CDH12: variants seen among roughly 807,000 people sequenced by gnomAD.
CDH12 encodes the protein cadherin-12.
A neutral mutation model predicts 74.1 loss-of-function variants in CDH12; 41 were observed. The observed-to-expected ratio is 0.55, with a 90% CI of 0.43 to 0.72. The LOEUF (loss-of-function observed/expected upper bound fraction) is 0.72. Ranked by LOEUF, CDH12 falls within the 30% of genes least tolerant of loss-of-function variation. The probability of loss-of-function intolerance (pLI) is 0.00; values close to 1 mark genes in which losing one functional copy is unlikely to be tolerated. For missense variants in CDH12, 945 were observed against 977.2 expected, an observed-to-expected ratio of 0.97 and a Z score of 0.44; for synonymous variants, 399 against 355.0, an observed-to-expected ratio of 1.12 and a Z score of -1.39.
intron 1 of CDH12, among the ~76,000 whole-genome samples, chr5:22,748,480 G>C (rs1269242795): frequency 2.6e-5 from 4 of 152,062 alleles, no homozygotes; most frequent in African/African-American, 9.7e-5. Flanking sequence ...TCAAAACATT[G>C]ACCTGCTCAG....
chr5:22,106,663 G>A (rs1025854730), intron 4 of CDH12, among the ~76,000 whole-genome samples: 1 of 152,154 alleles, frequency 6.6e-6, no homozygotes, highest in Admixed American at 6.5e-5. Flanking sequence ...CTATCCCATG[G>A]CTCCAAGCCT....
intron 6 of CDH12, among the ~76,000 whole-genome samples, chr5:21,871,550 T>C (rs992257113): frequency 2.6e-5 from 4 of 151,942 alleles, no homozygotes; most frequent in Non-Finnish European, 4.4e-5. Context: ...CTGACCAACA[T>C]GGAGAAACCC....
At chr5:22,362,557 T>C (rs1740856802) in intron 3 of CDH12, among the ~76,000 whole-genome samples, 1 of 152,064 alleles carries the variant, frequency 6.6e-6, no homozygotes, top group Admixed American at 6.5e-5. Flanking sequence ...GAAATACCAT[T>C]TGACCCAGCC....
At chr5:22,157,578 A>G (rs1431073779) in intron 4 of CDH12, among the ~76,000 whole-genome samples, 1 of 123,820 alleles carries the variant, frequency 8.1e-6, no homozygotes, top group East Asian at 2.3e-4. Context: ...CTTACCTCTC[A>G]TAAAATCTGA....
intron 6 of CDH12, among the ~76,000 whole-genome samples, chr5:21,969,707 TCTGCTGTTTTACA>T (rs1756746347): frequency 6.6e-6 from 1 of 152,208 alleles, no homozygotes; most frequent in African/African-American, 2.4e-5. Flanking sequence ...AACTTAAGTA[TCTGCTGTTTTACA>T]CTGCTAAGGT....
intron 6 of CDH12, among the ~76,000 whole-genome samples, chr5:21,895,173 G>A (rs1025641379): frequency 1.3e-5 from 2 of 152,138 alleles, no homozygotes; most frequent in African/African-American, 4.8e-5. Flanking sequence ...GGAGAGAAAT[G>A]AGTAAATGTG....
At chr5:22,570,803 T>C (rs58309940) in intron 1 of CDH12, among the ~76,000 whole-genome samples, 22,245 of 152,136 alleles carry the variant, frequency 0.15, 1,630 homozygotes, top group Middle Eastern at 0.2. Context: ...TCTCTAGCTA[T>C]GAAAATCCTA....
intron 1 of CDH12, among the ~76,000 whole-genome samples, chr5:22,716,567 G>C (rs886079465): frequency 6.6e-5 from 10 of 151,084 alleles, no homozygotes; most frequent in African/African-American, 2.4e-4. Flanking sequence ...TTATTTTAGT[G>C]TGTGCTCCTT....
At chr5:22,097,102 T>A (rs1222552114) in intron 4 of CDH12, among the ~76,000 whole-genome samples, 1 of 152,128 alleles carries the variant, frequency 6.6e-6, no homozygotes, top group African/African-American at 2.4e-5. Flanking sequence ...ACCTCCTCCC[T>A]CAGGAGCTTG....
intron 4 of CDH12, among the ~76,000 whole-genome samples, chr5:22,123,933 TA>T (rs1356987352): frequency 2.6e-5 from 4 of 151,758 alleles, no homozygotes; most frequent in Non-Finnish European, 4.4e-5. Flanking sequence ...TTTTAATTTT[TA>T]AAAAAGTTTT....
At chr5:22,690,728 C>T (rs949198900) in intron 1 of CDH12, among the ~76,000 whole-genome samples, 14 of 152,148 alleles carry the variant, frequency 9.2e-5, no homozygotes, top group African/African-American at 2.7e-4. Context: ...TCCCTCTGTG[C>T]TTGTTACTTA....
At chr5:22,092,851 A>G (rs561411351) in intron 4 of CDH12, among the ~76,000 whole-genome samples, 19 of 152,342 alleles carry the variant, frequency 1.2e-4, no homozygotes, top group African/African-American at 3.6e-4. Flanking sequence ...AACAAATTAC[A>G]TAAAAACCAA....
chr5:22,439,824 G>A (rs970958233), intron 2 of CDH12, among the ~76,000 whole-genome samples: 2 of 152,178 alleles, frequency 1.3e-5, no homozygotes, highest in African/African-American at 4.8e-5. Flanking sequence ...GAATTAGGCA[G>A]TATCATCAGA....
intron 4 of CDH12, among the ~76,000 whole-genome samples, chr5:22,160,029 T>A (rs944616443): frequency 6.6e-6 from 1 of 152,106 alleles, no homozygotes; most frequent in Non-Finnish European, 1.5e-5. Context: ...ACCAGGCCAA[T>A]GAAAATTAGA....
chr5:22,374,580 C>A (rs746623963), intron 3 of CDH12, among the ~76,000 whole-genome samples: 21 of 152,010 alleles, frequency 1.4e-4, no homozygotes, highest in Non-Finnish European at 2.4e-4. Context: ...TACCACAAAA[C>A]CCCTAGTTTT....
At chr5:22,108,451 A>C (rs1205037374) in intron 4 of CDH12, among the ~76,000 whole-genome samples, 1 of 152,246 alleles carries the variant, frequency 6.6e-6, no homozygotes, top group Non-Finnish European at 1.5e-5. Context: ...CATAAGGAAA[A>C]GTATGAAGAG....
chr5:22,593,116 C>T (rs185035803), intron 1 of CDH12, among the ~76,000 whole-genome samples: 1 of 151,798 alleles, frequency 6.6e-6, no homozygotes, highest in African/African-American at 2.4e-5. Context: ...TGTACTAACC[C>T]TCATTGGTTT....
intron 1 of CDH12, among the ~76,000 whole-genome samples, chr5:22,690,192 G>A (rs544090598): frequency 6.6e-6 from 1 of 152,184 alleles, no homozygotes; most frequent in Admixed American, 6.5e-5. Context: ...AAACTGTGTT[G>A]TATACCATGA....
At chr5:22,457,423 TCA>T (rs1491089473) in intron 2 of CDH12, among the ~76,000 whole-genome samples, 2,415 of 141,102 alleles carry the variant, frequency 0.017, 56 homozygotes, top group African/African-American at 0.048. Context: ...CTCTTCTTCT[TCA>T]TTTTTTTTTT....
Sources: allele counts gnomAD v4.1 joint callset (sites outside exome capture counted in the v4.1 genomes callset), GRCh38; gene constraint gnomAD v4.1.1; transcripts MANE v1.5; gene names NCBI Gene and HGNC (gene_info 2026-07-23, HGNC 2026-07-21).